Variants in PRUNE2 observed in about 807,000 individuals in gnomAD.
PRUNE2 encodes prune homolog 2 with BCH domain.
A neutral mutation model predicts 252.0 loss-of-function variants in PRUNE2; 164 were observed. That is an observed-to-expected ratio of 0.65 (90% CI 0.57 to 0.74). PRUNE2 has a LOEUF of 0.74. Ranked by LOEUF, PRUNE2 falls within the 30% of genes least tolerant of loss-of-function variation. The pLI is 0.00. For missense variants in PRUNE2, 3,495 were observed against 3,711.0 expected, an observed-to-expected ratio of 0.94 and a Z score of 1.51; for synonymous variants, 1,292 against 1,350.2, an observed-to-expected ratio of 0.96 and a Z score of 0.94.
chr9:76,872,606 C>T (rs1433962489), intron 1 of PRUNE2, among the ~76,000 whole-genome samples: 1 of 123,036 alleles, frequency 8.1e-6, no homozygotes, highest in Non-Finnish European at 1.8e-5. Context: ...GGAAAACACA[C>T]ACACACACAC....
chr9:76,654,754 A>G (rs1458617418), intron 10 of PRUNE2, among the ~76,000 whole-genome samples: 3 of 152,148 alleles, frequency 2.0e-5, no homozygotes, highest in Non-Finnish European at 2.9e-5. Context: ...ATTCTGTTAC[A>G]TGACTAGTAT....
intron 6 of PRUNE2, among the ~76,000 whole-genome samples, chr9:76,756,594 C>T (rs2130606735): frequency 6.6e-6 from 1 of 152,374 alleles, no homozygotes; most frequent in East Asian, 1.9e-4. Context: ...CATTAGACAT[C>T]TAACATTTTC....
intron 6 of PRUNE2, among the ~76,000 whole-genome samples, chr9:76,806,106 T>A (rs1372428036): frequency 2.0e-5 from 3 of 152,138 alleles, no homozygotes; most frequent in Non-Finnish European, 1.5e-5. Context: ...CAAAGTGCGG[T>A]CTCTGAACCA....
intron 4 of PRUNE2, among the ~76,000 whole-genome samples, chr9:76,845,000 TAAAAAAAA>T (rs55754002): frequency 1.3e-4 from 8 of 60,772 alleles, no homozygotes; most frequent in South Asian, 8.5e-4. Context: ...CCCCCTCTCT[TAAAAAAAA>T]AAAAAAAAAA....
intron 18 of PRUNE2, 87 bp from the exon 19 acceptor site, chr9:76,614,687 T>C (rs1828598696): frequency 9.7e-7 from 1 of 1,031,590 alleles, no homozygotes; most frequent in Non-Finnish European, 1.5e-6. Context: ...TGTTTGCTTT[T>C]TTCCTCAAAG....
chr9:76,705,752 T>C lies in PRUNE2; in HGVS notation c.6522A>G (p.Gln2174=). The C allele has an allele frequency of 6.2e-7, 1 of 1,614,046 alleles. No individual in the cohort carries two copies. Among genetic ancestry groups the C allele is most frequent in the Non-Finnish European group, 8.5e-7 (1 of 1,179,904 alleles). ...GCTGAGAGGAGCCCTTTATGTCTGC[T>C]TGATAGCCAATTGGAGGCAGCACAG... is the stretch of plus-strand genomic sequence containing the variant. ...NATVLPPIGY[Q]ADIKGSSQPA... Residue 2174 remains glutamine, a synonymous_variant, in exon 8 of 19, where the codon CAA becomes CAG. Coordinates refer to ENST00000376718, the MANE Select transcript of PRUNE2 (RefSeq NM_015225.3).
At chr9:76,776,047 A>G (rs1263734445) in intron 6 of PRUNE2, among the ~76,000 whole-genome samples, 2 of 152,264 alleles carry the variant, frequency 1.3e-5, no homozygotes. Flanking sequence ...TCCCTTCTTT[A>G]TAACTACAAA....
At chr9:76,728,308 C>T (rs917091070) in intron 6 of PRUNE2, among the ~76,000 whole-genome samples, 21 of 152,050 alleles carry the variant, frequency 1.4e-4, no homozygotes, top group African/African-American at 4.8e-4. Flanking sequence ...ACATCTCAAT[C>T]CATTCTCAAC....
chr9:76,807,047 TGTGTGC>T (rs1173089757), intron 6 of PRUNE2, among the ~76,000 whole-genome samples: 9 of 138,830 alleles, frequency 6.5e-5, no homozygotes, highest in African/African-American at 1.5e-4. Context: ...TGTGTGTGTG[TGTGTGC>T]GCGCGCGCGT....
chr9:76,670,422 T>C (rs1279281545), intron 9 of PRUNE2, among the ~76,000 whole-genome samples: 1 of 151,826 alleles, frequency 6.6e-6, no homozygotes, highest in African/African-American at 2.4e-5. Context: ...GTCTCGCTGA[T>C]TGCTAGCACA....
chr9:76,753,824 A>G (rs1368847833), intron 6 of PRUNE2, among the ~76,000 whole-genome samples: 1 of 151,858 alleles, frequency 6.6e-6, no homozygotes, highest in Non-Finnish European at 1.5e-5. Flanking sequence ...AGGCTGAGGC[A>G]GGAGAATGGC....
chr9:76,660,684 A>G (rs977628530), intron 9 of PRUNE2, among the ~76,000 whole-genome samples: 4 of 150,344 alleles, frequency 2.7e-5, no homozygotes, highest in African/African-American at 7.3e-5. Context: ...TGGGAGGCTG[A>G]GGCAGAAGAA....
At chr9:76,849,434 T>A (rs2059835916) in intron 3 of PRUNE2, among the ~76,000 whole-genome samples, 1 of 151,062 alleles carries the variant, frequency 6.6e-6, no homozygotes, top group Admixed American at 6.6e-5. Flanking sequence ...ACCATTCAGT[T>A]TTATCCAGTG....
intron 6 of PRUNE2, among the ~76,000 whole-genome samples, chr9:76,749,553 A>T (rs969649403): frequency 1.3e-5 from 2 of 151,912 alleles, no homozygotes; most frequent in African/African-American, 4.8e-5. Context: ...TCCTTTAAAA[A>T]CCCTTGCGTG....
intron 6 of PRUNE2, chr9:76,758,623 G>A (rs1269704083): frequency 6.6e-6 from 1 of 151,976 alleles, no homozygotes; most frequent in Non-Finnish European, 1.5e-5. Flanking sequence ...CTCCTGAGTA[G>A]CTGGGACTAC....
intron 1 of PRUNE2, chr9:76,862,822 A>C (rs1024580038): frequency 2.6e-5 from 4 of 152,160 alleles, no homozygotes; most frequent in African/African-American, 9.7e-5. Flanking sequence ...ACCCTATTAC[A>C]CATAATATTT....
At chr9:76,754,964 CAAAAAA>C (rs11292120) in intron 6 of PRUNE2, among the ~76,000 whole-genome samples, 2 of 67,964 alleles carry the variant, frequency 2.9e-5, no homozygotes, top group Non-Finnish European at 6.2e-5. Flanking sequence ...GACTCGGTCT[CAAAAAA>C]AAAAAAAAAA....
rs764219998 is a variant in PRUNE2, at chr9:76,708,487, G to A, written c.3787C>T (p.His1263Tyr). 6 of 1,613,940 alleles carry A rather than the reference G, an allele frequency of 3.7e-6. No individual in the cohort carries two copies. Among genetic ancestry groups the A allele is most frequent in the Non-Finnish European group, 8.5e-7 (1 of 1,179,892 alleles). Residue 1263 changes from histidine (H) to tyrosine (Y), a missense_variant, in exon 8 of 19, where the codon CAT (histidine) becomes TAT (tyrosine). Transcript: ENST00000376718. ...GAGGCTGCTGGCGCATCTGGGGAAT[G>A]AGTGTCTTTAACATTTGCTGAATGG... is the stretch of plus-strand genomic sequence containing the variant. ...PSHSANVKDT[H>Y]SPDAPAASGT...
At chr9:76,829,978 G>A (rs1442887339) in intron 4 of PRUNE2, among the ~76,000 whole-genome samples, 2 of 152,142 alleles carry the variant, frequency 1.3e-5, no homozygotes, top group Admixed American at 1.3e-4. Context: ...CAGAATCAGA[G>A]GGGATTTTAA....
Sources: allele counts gnomAD v4.1 joint callset (sites outside exome capture counted in the v4.1 genomes callset), GRCh38; gene constraint gnomAD v4.1.1; transcripts MANE v1.5; gene names NCBI Gene and HGNC (gene_info 2026-07-23, HGNC 2026-07-21).